The following IL15 variants were observed in gnomAD, a reference collection of about 807,000 sequenced individuals.
IL15 encodes the protein interleukin-15.
IL15 carries 11 observed loss-of-function variants against 19.6 expected under a neutral mutation model. The observed-to-expected ratio is 0.56, with a 90% CI of 0.35 to 0.93. The LOEUF (loss-of-function observed/expected upper bound fraction) is 0.93, where lower values mean the gene tolerates loss of function less well. IL15 is among the 40% of genes least tolerant of loss of function. The pLI, the probability that IL15 is intolerant of heterozygous loss-of-function variation, is 0.01. For synonymous variants in IL15, 58 were observed against 59.6 expected (o/e 0.97, Z 0.12); for missense variants, 197 against 186.5 (o/e 1.06, Z -0.33).
At chr4:141,728,628 C>T (rs938662269) in intron 6 of IL15, among the ~76,000 whole-genome samples, 82 of 152,212 alleles carry the variant, frequency 5.4e-4, no homozygotes, top group African/African-American at 2.0e-3. Context: ...AACTTCACGT[C>T]AGGGAAAACA....
At chr4:141,722,923 G>A (rs1429313932) in intron 5 of IL15, among the ~76,000 whole-genome samples, 1 of 152,068 alleles carries the variant, frequency 6.6e-6, no homozygotes, top group Non-Finnish European at 1.5e-5. Flanking sequence ...GAATGACAGA[G>A]GAATGATAGT....
chr4:141,721,656 T>C (rs1429351861), intron 4 of IL15: 1 of 521,458 alleles, frequency 1.9e-6, no homozygotes, highest in Non-Finnish European at 3.5e-6. Context: ...TTGTGATAAA[T>C]TGAGCCAGTT....
chr4:141,727,404 G>A (rs1021446), intron 5 of IL15, among the ~76,000 whole-genome samples: 25,056 of 152,020 alleles, frequency 0.16, 2,640 homozygotes, highest in East Asian at 0.42. Flanking sequence ...ATATGAGTCC[G>A]TTTACATAAT....
intron 2 of IL15, among the ~76,000 whole-genome samples, chr4:141,673,812 T>G (rs1377655823): frequency 6.6e-6 from 1 of 152,196 alleles, no homozygotes; most frequent in African/African-American, 2.4e-5. Context: ...ATGGTTTGTT[T>G]CCTCCAAAAA....
chr4:141,660,311 A>G (rs1463718889), intron 2 of IL15, among the ~76,000 whole-genome samples: 2 of 152,220 alleles, frequency 1.3e-5, no homozygotes, highest in Non-Finnish European at 2.9e-5. Context: ...AGTTACTAGG[A>G]ACCTCACCAG....
chr4:141,711,603 A>G (rs1729720168), intron 2 of IL15, among the ~76,000 whole-genome samples: 1 of 152,142 alleles, frequency 6.6e-6, no homozygotes, highest in South Asian at 2.1e-4. Context: ...TCTGACCACA[A>G]GAATTTCACA....
intron 1 of IL15, among the ~76,000 whole-genome samples, chr4:141,647,723 G>A (rs1477326972): frequency 2.0e-5 from 3 of 151,980 alleles, no homozygotes; most frequent in Non-Finnish European, 4.4e-5. Context: ...TCCCTCATAT[G>A]CTTATTCTTA....
chr4:141,658,150 G>A (rs559398038), intron 2 of IL15, among the ~76,000 whole-genome samples: 6 of 152,226 alleles, frequency 3.9e-5, no homozygotes, highest in African/African-American at 1.4e-4. Flanking sequence ...GTTCTCACGA[G>A]ATTTGGTTGT....
intron 2 of IL15, among the ~76,000 whole-genome samples, chr4:141,708,613 T>C (rs1016250979): frequency 6.6e-6 from 1 of 152,130 alleles, no homozygotes; most frequent in African/African-American, 2.4e-5. Context: ...CTTTACCCCA[T>C]AAGAAGAAGT....
chr4:141,637,897 A>G (rs966600124), intron 1 of IL15, among the ~76,000 whole-genome samples: 5 of 152,220 alleles, frequency 3.3e-5, no homozygotes, highest in Non-Finnish European at 7.3e-5. Flanking sequence ...CAGGTATTAC[A>G]GAATAAACTG....
At chr4:141,660,622 C>T (rs1727753249) in intron 2 of IL15, among the ~76,000 whole-genome samples, 1 of 152,082 alleles carries the variant, frequency 6.6e-6, no homozygotes, top group Non-Finnish European at 1.5e-5. Context: ...TGAAAAGTTG[C>T]GTTCTGGTTT....
chr4:141,694,458 C>A (rs1200907431), intron 2 of IL15, among the ~76,000 whole-genome samples: 2 of 151,978 alleles, frequency 1.3e-5, no homozygotes, highest in African/African-American at 4.8e-5. Context: ...TGAGCTTAAC[C>A]AGGTCAGATA....
At chr4:141,655,468 T>C (rs1191336642) in intron 1 of IL15, among the ~76,000 whole-genome samples, 1 of 152,130 alleles carries the variant, frequency 6.6e-6, no homozygotes, top group East Asian at 1.9e-4. Context: ...CCTTAATCTT[T>C]TTCTTCAACA....
intron 1 of IL15, among the ~76,000 whole-genome samples, chr4:141,654,870 A>G (rs1519552): frequency 0.72 from 108,716 of 152,014 alleles, 39,320 homozygotes; most frequent in East Asian, 0.99. Flanking sequence ...TGGAGAAGCT[A>G]GCTTGCTATC....
intron 2 of IL15, among the ~76,000 whole-genome samples, chr4:141,698,486 C>CT (rs1461469023): frequency 6.6e-6 from 1 of 151,184 alleles, no homozygotes; most frequent in South Asian, 2.1e-4. Flanking sequence ...TTGTTGGCAG[C>CT]TTTTTTTATT....
At chr4:141,693,707 T>C (rs1729001373) in intron 2 of IL15, among the ~76,000 whole-genome samples, 1 of 152,224 alleles carries the variant, frequency 6.6e-6, no homozygotes, top group East Asian at 1.9e-4. Flanking sequence ...ATGATTTAGA[T>C]ACACATTTGT....
At chr4:141,696,344 A>G (rs1729094299) in intron 2 of IL15, among the ~76,000 whole-genome samples, 1 of 152,094 alleles carries the variant, frequency 6.6e-6, no homozygotes, top group South Asian at 2.1e-4. Flanking sequence ...GCTTTGTAGC[A>G]TATTTCAGGT....
intron 2 of IL15, among the ~76,000 whole-genome samples, chr4:141,690,042 G>T (rs1195459365): frequency 6.6e-6 from 1 of 152,208 alleles, no homozygotes; most frequent in Non-Finnish European, 1.5e-5. Context: ...ATCGAGCACA[G>T]CGCTGGTGGG....
At chr4:141,703,732 T>C (rs1162472781) in intron 2 of IL15, among the ~76,000 whole-genome samples, 1 of 142,412 alleles carries the variant, frequency 7.0e-6, no homozygotes, top group African/African-American at 2.6e-5. Context: ...CTATCTGCTA[T>C]CTTGAAAAAA....
Sources: allele counts gnomAD v4.1 joint callset (sites outside exome capture counted in the v4.1 genomes callset), GRCh38; gene constraint gnomAD v4.1.1; transcripts MANE v1.5; gene names NCBI Gene and HGNC (gene_info 2026-07-23, HGNC 2026-07-21).